Variants in CAPN8 observed in about 807,000 individuals in gnomAD.
CAPN8 encodes calpain-8.
In CAPN8, 87 loss-of-function variants were observed where a neutral mutation model predicts 80.9. The observed-to-expected ratio is 1.07, with a 90% CI of 0.90 to 1.28. The LOEUF (loss-of-function observed/expected upper bound fraction) is 1.28. CAPN8 is among the 50% of genes most tolerant of loss of function. The pLI, the probability that CAPN8 is intolerant of heterozygous loss-of-function variation, is 0.00. For missense variants in CAPN8, 757 were observed against 702.0 expected (o/e 1.08, Z -0.89); for synonymous variants, 299 against 273.8 (o/e 1.09, Z -0.91).
chr1:223,622,659 G>T, intron 7 of CAPN8, 156 bp downstream of exon 7: 1 of 638,944 alleles, frequency 1.6e-6, no homozygotes. Flanking sequence ...TTCCCAGCCT[G>T]GATCCATTTA....
Position 223,543,137 on chromosome 1 carries a change from C to T in CAPN8, c.2059G>A (p.Asp687Asn). The T allele has an allele frequency of 6.4e-7, 1 of 1,551,668 alleles. No homozygotes were observed. The highest frequency in any genetic ancestry group is 8.7e-7 in the Non-Finnish European group (1 of 1,146,976). The change falls in exon 20 of 21, where the codon GAT (aspartate) becomes AAT (asparagine). Residue 687 changes from aspartate (D) to asparagine (N), a missense_variant. Asp to Asn is a conservative substitution (Grantham distance 23, BLOSUM62 1). Coordinates refer to ENST00000366872, the MANE Select transcript of CAPN8 (RefSeq NM_001143962.2). ...KLFSLLDEDK[D>N]GMVQLSLAEW... ...GCCAGAGAGAGCTGAACCATGCCATCCTTGTCTTCGTCCAGAAGGCTGAAT... is the reference window on the plus strand; with the variant it reads ...GCCAGAGAGAGCTGAACCATGCCATTCTTGTCTTCGTCCAGAAGGCTGAAT...
At chr1:223,659,443 C>G (rs1427740297) in intron 1 of CAPN8, among the ~76,000 whole-genome samples, 1 of 152,146 alleles carries the variant, frequency 6.6e-6, no homozygotes, top group Non-Finnish European at 1.5e-5. Flanking sequence ...GATTATCACT[C>G]TCTTCCCATC....
chr1:223,548,043 C>G (rs61823558), intron 16 of CAPN8, among the ~76,000 whole-genome samples: 1 of 151,980 alleles, frequency 6.6e-6, no homozygotes, highest in Non-Finnish European at 1.5e-5. Flanking sequence ...GGATCAGCCA[C>G]GCAGAGGTGG....
intron 7 of CAPN8, 51 bp from the exon 8 acceptor site, chr1:223,620,317 G>A: frequency 6.7e-6 from 10 of 1,497,718 alleles, no homozygotes; most frequent in Admixed American, 2.0e-5. Flanking sequence ...TCTACAAGCA[G>A]GGCAAGCTGT....
chr1:223,637,342 A>G (rs1445688604), intron 2 of CAPN8, among the ~76,000 whole-genome samples: 1 of 152,064 alleles, frequency 6.6e-6, no homozygotes, highest in Non-Finnish European at 1.5e-5. Context: ...GCCCTGGAGC[A>G]CAGATGCCTA....
intron 2 of CAPN8, among the ~76,000 whole-genome samples, chr1:223,646,878 C>T (rs1017223690): frequency 7.2e-5 from 11 of 152,114 alleles, no homozygotes; most frequent in Admixed American, 6.5e-4. Flanking sequence ...TCGCCTAGAA[C>T]GCAGAACAGA....
At position 223,665,662 on chromosome 1, in the gene CAPN8, AGGGTGGACAGAAG is replaced by A; in HGVS notation, c.-29_-17del. 1 of 1,546,020 alleles carries A rather than the reference AGGGTGGACAGAAG, an allele frequency of 6.5e-7. No homozygotes were observed. The highest frequency in any genetic ancestry group is 8.8e-7 in the Non-Finnish European group (1 of 1,142,788). On this transcript the variant is annotated 5_prime_UTR_variant, in exon 1 of 21. Transcript: ENST00000366872. ...GGGCTGCCATGGCCGTGGGCTCTGT[AGGGTGGACAGAAG>A]GGCAGGGCTGCACTGTACTCTCAGA... is the stretch of plus-strand genomic sequence containing the variant.
At chr1:223,551,976 T>C (rs1427991900) in intron 14 of CAPN8, among the ~76,000 whole-genome samples, 1 of 152,198 alleles carries the variant, frequency 6.6e-6, no homozygotes, top group East Asian at 1.9e-4. Flanking sequence ...GGATAAACAC[T>C]GAGCCAGAGG....
intron 4 of CAPN8, 97 bp downstream of exon 4, chr1:223,627,912 G>A (rs142663109): frequency 1.2e-5 from 17 of 1,370,724 alleles, no homozygotes; most frequent in Middle Eastern, 1.9e-4. Context: ...ACGCCATGAC[G>A]CCCTGAGTTT....
At chr1:223,622,791 G>T (rs1206760124) in intron 7 of CAPN8, 24 bp downstream of exon 7, 1 of 1,538,304 alleles carries the variant, frequency 6.5e-7, no homozygotes, top group Non-Finnish European at 8.8e-7. Flanking sequence ...GAGATGACTG[G>T]AGAAGCGGGG....
At chr1:223,631,611 T>C (rs1426736903) in intron 2 of CAPN8, among the ~76,000 whole-genome samples, 2 of 152,210 alleles carry the variant, frequency 1.3e-5, no homozygotes, top group Admixed American at 6.5e-5. Flanking sequence ...TAAAAACAAA[T>C]AAGCAGATGA....
In CAPN8 at chr1:223,628,665, A is replaced by T; in HGVS notation, c.423T>A (p.Phe141Leu). ...GGGCCAGAGCAGAGCACAGTACCTG[A>T]AAGTGAAAGATTCCCGCATAGTTCT... ...FQENYAGIFH[F>L]QFWQYGEWVE... The change falls in exon 3 of 21, where the codon TTT becomes TTA. Residue 141 changes from phenylalanine to leucine, a missense_variant. Physicochemically the swap from Phe to Leu is conservative, Grantham distance 22. Transcript: ENST00000366872. 2 of 1,550,366 alleles carry T rather than the reference A, an allele frequency of 1.3e-6. No homozygotes were observed. The highest frequency in any genetic ancestry group is 2.4e-5 in the South Asian group (2 of 84,020).
At chr1:223,552,303 C>A (rs1436770245) in intron 14 of CAPN8, among the ~76,000 whole-genome samples, 1 of 152,172 alleles carries the variant, frequency 6.6e-6, no homozygotes, top group South Asian at 2.1e-4. Context: ...GTGGCTCACA[C>A]CTGTAATCCC....
intron 2 of CAPN8, chr1:223,642,835 T>G (rs1025498065): frequency 2.2e-6 from 1 of 456,262 alleles, no homozygotes; most frequent in African/African-American, 2.0e-5. Flanking sequence ...ATCTCGTTTC[T>G]GTGATTGTGG....
chr1:223,657,807 C>T lies in CAPN8; in HGVS notation c.238-3408G>A, dbSNP rs543096440. Among the ~76,000 whole-genome samples the T allele has an allele frequency of 1.1e-4, 16 of 152,176 alleles. No individual in the cohort carries two copies. In the East Asian group the frequency reaches 1.9e-3, roughly 18 times the overall value. On this transcript the variant is annotated intron_variant, in intron 1 of 20. Transcript: ENST00000366872. ...GATGAATAGATTCCTGTTCTTCATC[C>T]GCCATTCATCCATCGGTCTACTGAA...
intron 20 of CAPN8, among the ~76,000 whole-genome samples, chr1:223,542,733 T>C (rs1656502345): frequency 6.6e-6 from 1 of 152,212 alleles, no homozygotes; most frequent in Non-Finnish European, 1.5e-5. Context: ...ATCTTCATTC[T>C]ACCCACTGCA....
At chr1:223,656,236 A>G (rs1177312244) in intron 1 of CAPN8, among the ~76,000 whole-genome samples, 1 of 151,892 alleles carries the variant, frequency 6.6e-6, no homozygotes, top group Non-Finnish European at 1.5e-5. Flanking sequence ...TGGGAGGCTG[A>G]GGTGGGCGGA....
rs116568789 is a variant in CAPN8, at chr1:223,551,866, G to A, written c.1642-849C>T. On this transcript the variant is annotated intron_variant, in intron 14 of 20. Transcript: ENST00000366872. ...TAAGGTTGGTTCACCCCAAAGTGCCGGCTTTCCCCACCACACCTACAGGAG... is the reference window on the plus strand; with the variant it reads ...TAAGGTTGGTTCACCCCAAAGTGCCAGCTTTCCCCACCACACCTACAGGAG... Among the ~76,000 whole-genome samples the A allele has an allele frequency of 5.1e-3, 779 of 152,274 alleles. 5 individuals carry two copies. The highest frequency in any genetic ancestry group is 8.6e-3 in the Non-Finnish European group (585 of 68,018).
intron 2 of CAPN8, among the ~76,000 whole-genome samples, chr1:223,645,512 A>C (rs6604738): frequency 1 from 151,918 of 152,290 alleles, 75,774 homozygotes; most frequent in Middle Eastern, 1. Context: ...CAAGTCAGAG[A>C]AAATGGGATT....
Sources: gnomAD v4.1 joint callset for allele counts (sites outside exome capture counted in the v4.1 genomes callset) on GRCh38, gnomAD v4.1.1 for gene constraint, MANE v1.5 for transcripts, NCBI Gene and HGNC (gene_info 2026-07-23, HGNC 2026-07-21) for gene names.